The following KRT3 variants were observed in gnomAD, a reference collection of about 807,000 sequenced individuals.
KRT3 encodes the protein keratin, type II cytoskeletal 3.
In KRT3, 34 loss-of-function variants were observed where a neutral mutation model predicts 45.8. The ratio of observed to expected loss-of-function variants is 0.74; its 90% CI spans 0.57 to 0.99. The LOEUF (loss-of-function observed/expected upper bound fraction) is 0.99. Ranked by LOEUF, KRT3 falls within the 50% of genes least tolerant of loss-of-function variation. The pLI is 0.00. For missense variants in KRT3, 828 were observed against 820.6 expected (o/e 1.01, Z -0.11); for synonymous variants, 367 against 329.0 (o/e 1.12, Z -1.25).
rs1311251869 is a variant in KRT3 at position 52,789,946 on chromosome 12, TG to T, written c.*95del. 4.4e-5 allele frequency: 56 copies of T among 1,280,464 alleles called. No homozygotes were observed. Among genetic ancestry groups the T allele is most frequent in the South Asian group, 4.2e-4 (33 of 78,890 alleles). 79.3% of individuals were successfully genotyped at this position (1,280,464 alleles called of 1,614,324 possible). The stretch of plus-strand genomic sequence containing the variant: ...GCCTTCCAGCGCAGAGCCGCGTTCT[TG>T]GGGAGCATGGGGTGGCGCTGGGGGT... On this transcript the variant is annotated 3_prime_UTR_variant, in exon 9 of 9. Coordinates refer to ENST00000417996, the MANE Select transcript of KRT3 (RefSeq NM_057088.3).
Position 52,792,243 on chromosome 12 carries a change from G to A in KRT3, c.1184C>T (p.Thr395Ile), listed in dbSNP as rs754168931. ...TAAGAGGTGACTAGCACCCACCTTGGTCTGGTACAGGGCCTCAGCTTCGGC... is the reference window on the plus strand; with the variant it reads ...TAAGAGGTGACTAGCACCCACCTTGATCTGGTACAGGGCCTCAGCTTCGGC... ...SKAEAEALYQTKLGELQTTAG... is the reference protein window; with the variant it reads ...SKAEAEALYQIKLGELQTTAG... The change falls in exon 5 of 9, where the codon ACC becomes ATC. Residue 395 changes from threonine (T) to isoleucine (I), a missense_variant. Coordinates refer to ENST00000417996, the MANE Select transcript of KRT3 (RefSeq NM_057088.3). 16 of 1,613,768 alleles carry A rather than the reference G, an allele frequency of 9.9e-6. No individual in the cohort carries two copies. Among genetic ancestry groups the A allele is most frequent in the Admixed American group, 5.0e-5 (3 of 59,976 alleles).
At position 52,790,872 on chromosome 12, in the gene KRT3, C is replaced by A; in HGVS notation, c.1536G>T (p.Arg512Ser). The A allele has an allele frequency of 6.3e-7, 1 of 1,597,462 alleles. No individual in the cohort carries two copies. Residue 512 changes from arginine to serine, a missense_variant and splice_region_variant, in exon 8 of 9, where the codon AGG becomes AGT. Coordinates refer to ENST00000417996, the MANE Select transcript of KRT3 (RefSeq NM_057088.3). ...CAGCACTCGGACACTCTCCAGACAT[C>A]CTGTTTGAGAAAGCAAGAGAAAGTG... ...YRKLLEGEEY[R>S]MSGECPSAVS...
In KRT3 at chr12:52,794,240, T is replaced by G. The variant is rs906750152; in HGVS notation, c.737A>C (p.Asn246Thr). The G allele has an allele frequency of 1.1e-5, 18 of 1,614,080 alleles. No homozygotes were observed. Among genetic ancestry groups the G allele is most frequent in the Non-Finnish European group, 1.5e-5 (18 of 1,179,948 alleles). ...QGTSSISGTN[N>T]LEPLFENHIN... ...GTGATTCTCAAAAAGAGGCTCAAGG[T>G]TGTTTGTGCCTGAGATGGAACTTGT... is the stretch of plus-strand genomic sequence containing the variant. The change falls in exon 2 of 9, where the codon AAC becomes ACC. Residue 246 changes from asparagine (N) to threonine (T), a missense_variant. Physicochemically the swap from Asn to Thr is moderately conservative, Grantham distance 65. Coordinates refer to ENST00000417996, the MANE Select transcript of KRT3 (RefSeq NM_057088.3).
Position 52,790,834 on chromosome 12 carries a change from T to G in KRT3, c.1570+4A>C, listed in dbSNP as rs574326460. 3 of 1,593,636 alleles carry G rather than the reference T, an allele frequency of 1.9e-6. No homozygotes were observed. Among genetic ancestry groups the G allele is most frequent in the Non-Finnish European group, 2.6e-6 (3 of 1,169,228 alleles). The stretch of plus-strand genomic sequence containing the variant: ...TCATTTTCTTAGCTACTTTCGGTAC[T>G]TACAGATGCTGACAGCACTCGGACA... On this transcript the variant is annotated splice_donor_region_variant and intron_variant, in intron 8 of 8. Transcript: ENST00000417996.
Position 52,790,111 on chromosome 12 carries a change from C to A in KRT3, c.1818G>T (p.Ser606=), listed in dbSNP as rs368606859. The change falls in exon 9 of 9, where the codon TCG becomes TCT. Residue 606 remains serine (S), a synonymous_variant. Transcript: ENST00000417996. ...RYGVSGGGFS[S]ASNRGGSIKF... is the part of the protein sequence containing the mutation. ...TGATGCTGCCGCCCCGGTTGCTGGCCGAGCTGAAGCCCCCGCCACTGACTC... is the reference window on the plus strand; with the variant it reads ...TGATGCTGCCGCCCCGGTTGCTGGCAGAGCTGAAGCCCCCGCCACTGACTC... The A allele has an allele frequency of 6.5e-7, 1 of 1,543,564 alleles. No individual in the cohort carries two copies. Among genetic ancestry groups the A allele is most frequent in the Non-Finnish European group, 8.7e-7 (1 of 1,146,842 alleles).
At chr12:52,792,676 T>A (rs1477960118) in intron 4 of KRT3, 35 bp downstream of exon 4, 3 of 1,441,218 alleles carry the variant, frequency 2.1e-6, no homozygotes, top group Non-Finnish European at 2.9e-6. Context: ...CACCTCACTC[T>A]CCCTCTGTCC....
intron 5 of KRT3, 67 bp downstream of exon 5, chr12:52,792,172 G>T: frequency 7.2e-7 from 1 of 1,381,846 alleles, no homozygotes; most frequent in Non-Finnish European, 1.0e-6. Context: ...TCACTACCCA[G>T]CTGTCCAATA....
At chr12:52,795,195 G>C (rs1304882600) in intron 1 of KRT3, among the ~76,000 whole-genome samples, 1 of 152,098 alleles carries the variant, frequency 6.6e-6, no homozygotes, top group East Asian at 1.9e-4. Context: ...GTCCAAATAG[G>C]GGACTGTTTT....
At chr12:52,793,033 C>T (rs1410748881) in intron 3 of KRT3, 130 bp downstream of exon 3, 12 of 720,752 alleles carry the variant, frequency 1.7e-5, no homozygotes, top group Non-Finnish European at 2.6e-5. Context: ...GACTAAGGTG[C>T]ACCTGACTTC....
In KRT3 at chr12:52,792,361, C is replaced by G. The variant is rs1374094307; in HGVS notation, c.1066G>C (p.Val356Leu). 11 of 1,613,876 alleles carry G rather than the reference C, an allele frequency of 6.8e-6. No homozygotes were observed. In the Admixed American group the frequency reaches 8.3e-5, roughly 12 times the overall value. The change falls in exon 5 of 9, where the codon GTG (valine) becomes CTG (leucine). Residue 356 changes from valine (V) to leucine (L), a missense_variant. Physicochemically the swap from Val to Leu is conservative, Grantham distance 32 (BLOSUM62 1). Transcript: ENST00000417996. ...MQSHISDTSVVLSMDNNRSLD... is the reference protein window; with the variant it reads ...MQSHISDTSVLLSMDNNRSLD... The stretch of plus-strand genomic sequence containing the variant: ...GAGCGATTATTGTCCATGGACAGCA[C>G]CACAGATGTGTCACTGATGTGGCTC...
Position 52,792,807 on chromosome 12 carries a change from C to T in KRT3, c.928-1G>A. ...TGTTCATATAGGCACTGTCCACATC[C>T]TGAGAAAAGAGGAAGATAAAGGCCT... On this transcript the variant is annotated splice_acceptor_variant, in intron 3 of 8. Coordinates refer to ENST00000417996, the MANE Select transcript of KRT3 (RefSeq NM_057088.3). LOFTEE classifies it high-confidence loss of function. 1 of 1,601,856 alleles carries T rather than the reference C, an allele frequency of 6.2e-7. No homozygotes were observed.
chr12:52,793,025 C>G, intron 3 of KRT3, 138 bp downstream of exon 3: 2 of 704,280 alleles, frequency 2.8e-6, no homozygotes, highest in Non-Finnish European at 4.9e-6. Flanking sequence ...ATCTTCCAGA[C>G]TAAGGTGCAC....
In KRT3 at chr12:52,791,777, C is replaced by T. The variant is rs761870119; in HGVS notation, c.1228G>A (p.Asp410Asn). 1 of 1,614,144 alleles carries T rather than the reference C, an allele frequency of 6.2e-7. No homozygotes were observed. Among genetic ancestry groups the T allele is most frequent in the Non-Finnish European group, 8.5e-7 (1 of 1,179,982 alleles). ...ATCTCGCTCTTGGTATTTCTTAGGT[C>T]ATCCCCATGCCTGCCAGCCGTGGTC... is the stretch of plus-strand genomic sequence containing the variant. ...LQTTAGRHGD[D>N]LRNTKSEIIE... Residue 410 changes from aspartate to asparagine, a missense_variant, in exon 6 of 9, where the codon GAC becomes AAC. By Grantham distance (23) the Asp-to-Asn change is conservative. Transcript: ENST00000417996.
At position 52,796,088 on chromosome 12, in the gene KRT3, C is replaced by G. The variant is rs1230600825; in HGVS notation, c.-46G>C. The G allele has an allele frequency of 6.3e-7, 1 of 1,597,680 alleles. No homozygotes were observed. The highest frequency in any genetic ancestry group is 8.6e-7 in the Non-Finnish European group (1 of 1,169,562). ...GAAGAGTGTAAGTTAAGCAGGGACACTGAGAGTCAGAGGAAGAGGGATGGG... is the reference window on the plus strand; with the variant it reads ...GAAGAGTGTAAGTTAAGCAGGGACAGTGAGAGTCAGAGGAAGAGGGATGGG... On this transcript the variant is annotated 5_prime_UTR_variant, in exon 1 of 9. Coordinates refer to ENST00000417996, the MANE Select transcript of KRT3 (RefSeq NM_057088.3).
In KRT3 at chr12:52,796,058, G is replaced by A. The variant is rs146391233; in HGVS notation, c.-16C>T. 3.7e-4 allele frequency: 591 copies of A among 1,612,038 alleles called. 3 individuals carry two copies. The African/African-American group carries it at 4.2e-3, about 12-fold the overall frequency. ...GTCTGCTCATGGTAAGGAGCTTGGC[G>A]AAGAGAAGAGTGTAAGTTAAGCAGG... On this transcript the variant is annotated 5_prime_UTR_variant, in exon 1 of 9. Transcript: ENST00000417996.
At chr12:52,791,666 G>A (rs1195290199) in intron 6 of KRT3, 25 bp downstream of exon 6, 4 of 1,613,764 alleles carry the variant, frequency 2.5e-6, no homozygotes, top group Admixed American at 1.7e-5. Context: ...ATCATCCCAG[G>A]TGCCAGCATC....
rs975927136 is a variant in KRT3 at position 52,790,813 on chromosome 12, T to C, written c.1570+25A>G. ...CAGATATTTCAGAATTAACTCTCATTTTCTTAGCTACTTTCGGTACTTACA... is the reference window on the plus strand; with the variant it reads ...CAGATATTTCAGAATTAACTCTCATCTTCTTAGCTACTTTCGGTACTTACA... On this transcript the variant is annotated intron_variant, in intron 8 of 8. Transcript: ENST00000417996. The C allele has an allele frequency of 9.6e-6, 15 of 1,567,356 alleles. No individual in the cohort carries two copies. The African/African-American group carries it at 1.9e-4, about 20-fold the overall frequency.
At chr12:52,790,416 T>G (rs1217383871) in intron 8 of KRT3, 58 bp from the exon 9 acceptor site, 3 of 1,488,326 alleles carry the variant, frequency 2.0e-6, no homozygotes, top group African/African-American at 1.4e-5. Flanking sequence ...GCTGCTATGT[T>G]ATTGTCAATG....
chr12:52,793,130 G>T (rs1340065717), intron 3 of KRT3, 33 bp downstream of exon 3: 1 of 1,578,602 alleles, frequency 6.3e-7, no homozygotes, highest in Non-Finnish European at 8.7e-7. Context: ...ACCTGCAGCT[G>T]CAAGCCTCAG....
Sources: allele counts gnomAD v4.1 joint callset (sites outside exome capture counted in the v4.1 genomes callset), GRCh38; gene constraint gnomAD v4.1.1; transcripts MANE v1.5; gene names NCBI Gene and HGNC (gene_info 2026-07-23, HGNC 2026-07-21).